TBX20: variants seen among roughly 807,000 people sequenced by gnomAD.
TBX20 encodes T-box transcription factor TBX20.
A neutral mutation model predicts 42.9 loss-of-function variants in TBX20; 8 were observed. The ratio of observed to expected loss-of-function variants is 0.19; its 90% confidence interval spans 0.11 to 0.34. The LOEUF is 0.34. Among genes scored for constraint, TBX20 ranks in the 10% least tolerant of loss-of-function variants. The pLI, the probability that TBX20 is intolerant of heterozygous loss-of-function variation, is 1.00. For synonymous variants in TBX20, 198 were observed against 222.8 expected (o/e 0.89, Z 0.99); for missense variants, 411 against 566.0 (o/e 0.73, Z 2.78).
At chr7:35,223,868 GT>G (rs1245533372) in intron 6 of TBX20, among the ~76,000 whole-genome samples, 1 of 152,200 alleles carries the variant, frequency 6.6e-6, no homozygotes, top group Non-Finnish European at 1.5e-5. Context: ...GACAAATGGG[GT>G]CAAGAAAGGG....
In TBX20 at chr7:35,249,336, G is replaced by C. The variant is rs1790259540; in HGVS notation, c.381-495C>G. 6.6e-6 allele frequency among the ~76,000 whole-genome samples: 1 copy of C among 152,184 alleles called. No homozygotes were observed. Among genetic ancestry groups the C allele is most frequent in the Non-Finnish European group, 1.5e-5 (1 of 68,040 alleles). On this transcript the variant is annotated intron_variant, in intron 2 of 7. Transcript: ENST00000408931. This position sits in a 1 kb window ranked among gnomAD's most constrained non-coding sequence, Gnocchi z 4.3. ...GTATTTTCTGTAGTCCCAAGAGCTA[G>C]AGCCACCAAGTTTTGCCAGCCTCTG...
At chr7:35,242,710 T>C (rs1790106924) in intron 4 of TBX20, among the ~76,000 whole-genome samples, 1 of 152,170 alleles carries the variant, frequency 6.6e-6, no homozygotes, top group Non-Finnish European at 1.5e-5. Flanking sequence ...ACTGAGCCTC[T>C]AAGACCCCAG....
Position 35,253,717 on chromosome 7 carries a change from T to TC in TBX20, c.-98dup. The TC allele has an allele frequency of 6.6e-7, 1 of 1,515,792 alleles. No homozygotes were observed. The highest frequency in any genetic ancestry group is 8.9e-7 in the Non-Finnish European group (1 of 1,129,206). The allele number at this position is 1,515,792 out of a possible 1,614,324, so 93.9% of individuals were successfully genotyped here. A position where few individuals can be genotyped will look rare whatever the true frequency, so the allele number is the denominator to read the frequency against. On this transcript the variant is annotated 5_prime_UTR_variant, in exon 1 of 8. Coordinates refer to ENST00000408931, the MANE Select transcript of TBX20 (RefSeq NM_001077653.2). ...AAGACCCGAAACACAGCTCAAAGTTTCCGAGAGCAGTCACAGCGGGGCCAG... is the reference window on the plus strand; with the variant it reads ...AAGACCCGAAACACAGCTCAAAGTTTCCCGAGAGCAGTCACAGCGGGGCCAG...
chr7:35,224,233 T>C (rs1172720893), intron 6 of TBX20, among the ~76,000 whole-genome samples: 5 of 152,350 alleles, frequency 3.3e-5, no homozygotes, highest in East Asian at 3.9e-4. Flanking sequence ...AAGATTTCAA[T>C]TAATTTGAAC....
chr7:35,202,601 G>C lies in TBX20; in HGVS notation c.1173C>G (p.Ser391Arg), dbSNP rs761280672. ...HPIQGSLPPY[S>R]RLGMPLTPSA... ...ATGGTGTCAGAGGCATTCCCAGTCG[G>C]CTATATGGTGGCAGAGAACCCTGGA... The change falls in exon 8 of 8, where the codon AGC becomes AGG. Residue 391 changes from serine (S) to arginine (R), a missense_variant. Coordinates refer to ENST00000408931, the MANE Select transcript of TBX20 (RefSeq NM_001077653.2). 5 of 1,614,026 alleles carry C rather than the reference G, an allele frequency of 3.1e-6. No individual in the cohort carries two copies. The South Asian group carries it at 5.5e-5, about 18-fold the overall frequency.
chr7:35,223,846 A>G (rs1208305533), intron 6 of TBX20, among the ~76,000 whole-genome samples: 2 of 152,256 alleles, frequency 1.3e-5, no homozygotes, highest in Non-Finnish European at 2.9e-5. Context: ...TGGGAAAGTC[A>G]GTAATTCAAA....
chr7:35,225,351 C>A (rs1480350272), intron 6 of TBX20, among the ~76,000 whole-genome samples: 2 of 151,964 alleles, frequency 1.3e-5, no homozygotes, highest in African/African-American at 4.8e-5. Context: ...AACATAATAA[C>A]CCAAATTATT....
chr7:35,227,048 A>C (rs780407083), intron 6 of TBX20, among the ~76,000 whole-genome samples: 25 of 151,246 alleles, frequency 1.7e-4, no homozygotes, highest in Non-Finnish European at 3.2e-4. Flanking sequence ...GTGTGTGATT[A>C]TGTCTTAGGT....
intron 7 of TBX20, 60 bp downstream of exon 7, chr7:35,204,410 C>G: frequency 8.7e-7 from 1 of 1,144,362 alleles, no homozygotes; most frequent in Non-Finnish European, 1.3e-6. Flanking sequence ...ACGACCTGCC[C>G]CCATTCTCCT....
chr7:35,206,318 C>A (rs80026666), intron 6 of TBX20, among the ~76,000 whole-genome samples: 1 of 152,200 alleles, frequency 6.6e-6, no homozygotes. Context: ...GAGGCCCAGG[C>A]GGGTGGATCA....
rs1165539063 is a variant in TBX20 at position 35,206,408 on chromosome 7, C to A, written c.891-1826G>T. The stretch of plus-strand genomic sequence containing the variant: ...ATTAAAAATACAAAAATCAGCCAGG[C>A]ATGGTGGTGGGCACCTATAAACCCA... On this transcript the variant is annotated intron_variant, in intron 6 of 7. Coordinates refer to ENST00000408931, the MANE Select transcript of TBX20 (RefSeq NM_001077653.2). Among the ~76,000 whole-genome samples, 5 of 152,106 alleles carry A rather than the reference C, an allele frequency of 3.3e-5. No individual in the cohort carries two copies. In the East Asian group the frequency reaches 5.8e-4, roughly 18 times the overall value.
At chr7:35,222,679 A>T (rs1470155396) in intron 6 of TBX20, among the ~76,000 whole-genome samples, 2 of 152,116 alleles carry the variant, frequency 1.3e-5, no homozygotes, top group Non-Finnish European at 2.9e-5. Flanking sequence ...ATCCAGCAGG[A>T]AGGTTAAAGA....
At chr7:35,216,295 G>A (rs1237445519) in intron 6 of TBX20, among the ~76,000 whole-genome samples, 2 of 152,124 alleles carry the variant, frequency 1.3e-5, no homozygotes, top group African/African-American at 4.8e-5. Flanking sequence ...AGGTGCTGCT[G>A]ATGCTGCTGA....
intron 1 of TBX20, among the ~76,000 whole-genome samples, chr7:35,251,975 G>A (rs1180677967): frequency 2.0e-5 from 3 of 152,162 alleles, no homozygotes; most frequent in Non-Finnish European, 2.9e-5. Context: ...TGTGGGCATG[G>A]GGGTAGGGTT....
chr7:35,220,317 C>T (rs1789658530), intron 6 of TBX20, among the ~76,000 whole-genome samples: 2 of 152,112 alleles, frequency 1.3e-5, no homozygotes, highest in East Asian at 1.9e-4. Flanking sequence ...GAAGGAATCC[C>T]ACGGCAGCCC....
At chr7:35,211,829 T>C (rs1405458840) in intron 6 of TBX20, among the ~76,000 whole-genome samples, 5 of 152,150 alleles carry the variant, frequency 3.3e-5, no homozygotes, top group Non-Finnish European at 7.4e-5. Context: ...ATGTAATACG[T>C]CTATCATTCT....
At chr7:35,210,241 A>G (rs1584340757) in intron 6 of TBX20, among the ~76,000 whole-genome samples, 1 of 151,580 alleles carries the variant, frequency 6.6e-6, no homozygotes, top group Admixed American at 6.6e-5. Context: ...CAGCCTCCCA[A>G]GTTGCTGGGA....
chr7:35,253,352 C>G, intron 1 of TBX20, 142 bp downstream of exon 1: 1 of 985,062 alleles, frequency 1.0e-6, no homozygotes, highest in Non-Finnish European at 1.5e-6. Context: ...AAACTTGGAC[C>G]CAAAAGAAAA....
intron 5 of TBX20, among the ~76,000 whole-genome samples, chr7:35,237,866 T>TA (rs34968469): frequency 3.3e-4 from 49 of 150,496 alleles, no homozygotes; most frequent in East Asian, 3.9e-4. Context: ...CACATTTGTT[T>TA]AAAAAAAAAA....
Sources: allele counts gnomAD v4.1 joint callset (sites outside exome capture counted in the v4.1 genomes callset), GRCh38; gene constraint gnomAD v4.1.1; non-coding constraint Gnocchi (gnomAD v3.1); transcripts MANE v1.5; gene names NCBI Gene and HGNC (gene_info 2026-07-23, HGNC 2026-07-21).